The following HLA-DQA1 variants were observed in gnomAD, a reference collection of about 807,000 sequenced individuals.
HLA-DQA1 encodes the protein HLA class II histocompatibility antigen, DQ alpha 1 chain.
HLA-DQA1 carries 10 observed loss-of-function variants against 20.7 expected under a neutral mutation model. The observed-to-expected ratio is 0.48, with a 90% CI of 0.30 to 0.82. The LOEUF (loss-of-function observed/expected upper bound fraction) is 0.82, where lower values mean the gene tolerates loss of function less well. Ranked by LOEUF, HLA-DQA1 falls within the 40% of genes least tolerant of loss-of-function variation. The pLI, the probability that HLA-DQA1 is intolerant of heterozygous loss-of-function variation, is 0.07. For synonymous variants in HLA-DQA1, 39 were observed against 109.2 expected, an observed-to-expected ratio of 0.36 and a Z score of 4.01; for missense variants, 127 against 293.0, an observed-to-expected ratio of 0.43 and a Z score of 4.14.
downstream of HLA-DQA1, chr6:32,646,671 TACAAA>T (rs1283804858): frequency 7.1e-4 from 39 of 54,828 alleles, 4 homozygotes; most frequent in East Asian, 2.0e-3. Flanking sequence ...AACATTTTAT[TACAAA>T]TGAAGCACTT....
chr6:32,637,498 C>G lies in HLA-DQA1; in HGVS notation c.40C>G (p.Leu14Val), dbSNP rs776775819. Residue 14 changes from leucine (L) to valine (V), a missense_variant, in exon 1 of 5, where the codon CTG becomes GTG. Leu to Val is a conservative substitution (Grantham distance 32). Around this residue, in one of 4 missense-constraint regions of HLA-DQA1, gnomAD observed 36 missense variants for 44.8 expected, o/e 0.80. Transcript: ENST00000343139. ...NKALLLGALALTTVMSPCGGE... is the reference protein window; with the variant it reads ...NKALLLGALAVTTVMSPCGGE... Reference sequence around the variant, plus strand: ...AGCTCTGCTGCTGGGGGCCCTCGCTCTGACCACCGTGATGAGCCCCTGTGG... The same window carrying G: ...AGCTCTGCTGCTGGGGGCCCTCGCTGTGACCACCGTGATGAGCCCCTGTGG... The G allele has an allele frequency of 1.7e-6, 2 of 1,181,888 alleles. No homozygotes were observed. Among genetic ancestry groups the G allele is most frequent in the Non-Finnish European group, 2.4e-6 (2 of 847,414 alleles). 73.2% of individuals were successfully genotyped at this position (1,181,888 alleles called of 1,614,324 possible). A position where few individuals can be genotyped will look rare whatever the true frequency, so the allele number is the denominator to read the frequency against.
downstream of HLA-DQA1, among the ~76,000 whole-genome samples, chr6:32,651,264 A>AT (rs1782171992): frequency 2.3e-5 from 2 of 86,344 alleles, no homozygotes; most frequent in Non-Finnish European, 5.1e-5. Flanking sequence ...AGGTTGAAAA[A>AT]TGTAATCAAG....
At chr6:32,654,111 A>G in the HLA-DQA1 span, among the ~76,000 whole-genome samples, 1,977 of 68,654 alleles carry the variant, frequency 0.029, 370 homozygotes, top group Middle Eastern at 0.061. Context: ...TTCAAGACCA[A>G]CTGGACAGCA....
chr6:32,645,597 C>T (rs943539299), downstream of HLA-DQA1: 12 of 128,266 alleles, frequency 9.4e-5, 2 homozygotes, highest in African/African-American at 3.4e-4. Flanking sequence ...GGTTGGGGAC[C>T]TCTGGGATAC....
chr6:32,652,947 C>A, the HLA-DQA1 span, among the ~76,000 whole-genome samples: 1 of 150,408 alleles, frequency 6.6e-6, no homozygotes, highest in African/African-American at 2.5e-5. Context: ...GCTGTAAGAG[C>A]CTTTCAGAGT....
Position 32,643,167 on chromosome 6 carries a change from A to C in HLA-DQA1, c.*236A>C. The C allele has an allele frequency of 2.8e-6, 1 of 354,820 alleles. No homozygotes were observed. Among genetic ancestry groups the C allele is most frequent in the Middle Eastern group, 4.0e-4 (1 of 2,516 alleles). The allele number at this position is 354,820 out of a possible 1,614,324, so 22.0% of individuals were successfully genotyped here. On this transcript the variant is annotated 3_prime_UTR_variant, in exon 5 of 5. Transcript: ENST00000343139. ...TTTTTTCTTTTCTCAAATGTTACCTACAAAGACATGCCTGGGGTAAGCCAC... is the reference window on the plus strand; with the variant it reads ...TTTTTTCTTTTCTCAAATGTTACCTCCAAAGACATGCCTGGGGTAAGCCAC...
Position 32,640,237 on chromosome 6 carries a change from T to C in HLA-DQA1, c.83-1073T>C, listed in dbSNP as rs9272625. On this transcript the variant is annotated intron_variant, in intron 1 of 4. Transcript: ENST00000343139. Reference sequence around the variant, plus strand: ...AACTTACTACAGTACATTGTATCTGTTCCCTTACCTACCTGACTCTTCCAC... The same window carrying C: ...AACTTACTACAGTACATTGTATCTGCTCCCTTACCTACCTGACTCTTCCAC... Among the ~76,000 whole-genome samples, 586 of 81,582 alleles carry C rather than the reference T, an allele frequency of 7.2e-3. 7 individuals carry two copies. Among genetic ancestry groups the C allele is most frequent in the Middle Eastern group, 0.02 (2 of 98 alleles). 53.5% of individuals were successfully genotyped at this position (81,582 alleles called of 152,430 possible).
chr6:32,649,673 T>C (rs1782102336), downstream of HLA-DQA1, among the ~76,000 whole-genome samples: 2 of 96,896 alleles, frequency 2.1e-5, 1 homozygote, highest in South Asian at 6.3e-4. Flanking sequence ...TTACACCTTA[T>C]ATAAACATGA....
chr6:32,643,110 C>T lies in HLA-DQA1; in HGVS notation c.*179C>T, dbSNP rs7143. On this transcript the variant is annotated 3_prime_UTR_variant, in exon 5 of 5. Transcript: ENST00000343139. The stretch of plus-strand genomic sequence containing the variant: ...TATATCCCCTCAGAGCTCACAAATG[C>T]CTTTACATTCTTTCCCTGACCTCCT... The T allele has an allele frequency of 0.28, 97,059 of 346,704 alleles. 32,279 individuals are homozygous for T. The highest frequency in any genetic ancestry group is 0.3 in the South Asian group (14,716 of 48,314). 21.5% of individuals were successfully genotyped at this position (346,704 alleles called of 1,614,324 possible).
the HLA-DQA1 span, among the ~76,000 whole-genome samples, chr6:32,652,144 C>T: frequency 2.2e-5 from 2 of 91,714 alleles, no homozygotes; most frequent in South Asian, 3.4e-4. Context: ...TAGCTGGGCA[C>T]GGTGGCGGGT....
chr6:32,640,731 A>T (rs9272647), intron 1 of HLA-DQA1, among the ~76,000 whole-genome samples: 12,343 of 64,470 alleles, frequency 0.19, 1,557 homozygotes, highest in Middle Eastern at 0.33. Context: ...GTTATTACCA[A>T]TCTTGTTATA....
rs1401554711 is a variant in HLA-DQA1 at position 32,638,202 on chromosome 6, A to AT, written c.82+670dup. ...GTAAATAGTGAAAACATGAATGTCA[A>AT]TTTTTTTTACATATTTCTATTACAG... On this transcript the variant is annotated intron_variant, in intron 1 of 4. Coordinates refer to ENST00000343139, the MANE Select transcript of HLA-DQA1 (RefSeq NM_002122.5). Among the ~76,000 whole-genome samples the AT allele has an allele frequency of 5.6e-5, 6 of 106,706 alleles. 2 individuals carry two copies. Among genetic ancestry groups the AT allele is most frequent in the Non-Finnish European group, 1.2e-4 (6 of 48,674 alleles). 70.0% of individuals were successfully genotyped at this position (106,706 alleles called of 152,430 possible).
downstream of HLA-DQA1, among the ~76,000 whole-genome samples, chr6:32,650,956 C>T (rs1441724720): frequency 3.7e-5 from 3 of 80,716 alleles, 1 homozygote; most frequent in Non-Finnish European, 7.9e-5. Flanking sequence ...TGCAGTGGTG[C>T]GATCTTGGCT....
intron 1 of HLA-DQA1, among the ~76,000 whole-genome samples, chr6:32,641,073 T>C (rs28383430): frequency 0.062 from 6,497 of 105,312 alleles, 671 homozygotes; most frequent in South Asian, 0.08. Flanking sequence ...TAGTAAAAAT[T>C]GGACATGCGA....
chr6:32,640,890 A>G (rs9272660), intron 1 of HLA-DQA1, among the ~76,000 whole-genome samples: 1,386 of 93,984 alleles, frequency 0.015, 14 homozygotes, highest in Middle Eastern at 0.031. Context: ...AGTATAATCA[A>G]TTTGTTATTA....
Position 32,638,052 on chromosome 6 carries a change from A to G in HLA-DQA1, c.82+512A>G, listed in dbSNP as rs552211007. Among the ~76,000 whole-genome samples, 22 of 132,492 alleles carry G rather than the reference A, an allele frequency of 1.7e-4. 4 individuals are homozygous for G. The highest frequency in any genetic ancestry group is 6.2e-4 in the African/African-American group (22 of 35,544). 86.9% of individuals were successfully genotyped at this position (132,492 alleles called of 152,430 possible). ...GAACTGGCACAGGTGGGGAGTGGGT[A>G]AAGGAGTCCAGCAGGCTGAATGCCT... is the stretch of plus-strand genomic sequence containing the variant. On this transcript the variant is annotated intron_variant, in intron 1 of 4. Transcript: ENST00000343139.
At chr6:32,647,792 T>G (rs1366512662), downstream of HLA-DQA1, among the ~76,000 whole-genome samples, 1 of 151,988 alleles carries the variant, frequency 6.6e-6, no homozygotes, top group South Asian at 2.1e-4. Context: ...CCCCCAGACT[T>G]GTTTATATGT....
At position 32,642,580 on chromosome 6, in the gene HLA-DQA1, AT is replaced by A; in HGVS notation, c.614-28del. 3 of 1,307,482 alleles carry A rather than the reference AT, an allele frequency of 2.3e-6. 1 individual carries two copies. The South Asian group carries it at 3.7e-5, about 16-fold the overall frequency. 81.0% of individuals were successfully genotyped at this position (1,307,482 alleles called of 1,614,324 possible). On this transcript the variant is annotated intron_variant, in intron 3 of 4. Transcript: ENST00000343139. ...ACACATGCACATGAGCACACTCTGC[AT>A]TCTGACCTCAACAACTTCACTTCCA...
At chr6:32,640,823 A>AAAGAAAG (rs74387275) in intron 1 of HLA-DQA1, among the ~76,000 whole-genome samples, 9,358 of 111,860 alleles carry the variant, frequency 0.084, 1,891 homozygotes, top group Admixed American at 0.11. Context: ...AAAAAAAAAA[A>AAAGAAAG]AAAGAAAGAT....
Sources: gnomAD v4.1 joint callset for allele counts (sites outside exome capture counted in the v4.1 genomes callset) on GRCh38, gnomAD v4.1.1 for gene constraint, gnomAD v4.1.1 regional missense constraint, MANE v1.5 for transcripts, NCBI Gene and HGNC (gene_info 2026-07-23, HGNC 2026-07-21) for gene names.